Variants in EP400 observed in about 807,000 individuals in gnomAD.
EP400 encodes the protein E1A binding protein p400, also known as E1A-binding protein p400.
In EP400, 105 loss-of-function variants were observed where a neutral mutation model predicts 354.1. The ratio of observed to expected loss-of-function variants is 0.30; its 90% CI spans 0.25 to 0.35. EP400 has a LOEUF of 0.35. EP400 is among the 10% of genes least tolerant of loss of function. The probability of loss-of-function intolerance (pLI) is 1.00; values close to 1 mark genes in which losing one functional copy is unlikely to be tolerated. For missense variants in EP400, 3,280 were observed against 4,121.0 expected, an observed-to-expected ratio of 0.80 and a Z score of 5.59; for synonymous variants, 1,646 against 1,716.9, an observed-to-expected ratio of 0.96 and a Z score of 1.02.
chr12:131,992,174 A>T lies in EP400; in HGVS notation c.2681A>T (p.Asp894Val), dbSNP rs772026261. The T allele has an allele frequency of 6.2e-7, 1 of 1,607,276 alleles. No individual in the cohort carries two copies. Among genetic ancestry groups the T allele is most frequent in the Non-Finnish European group, 8.5e-7 (1 of 1,179,920 alleles). The stretch of plus-strand genomic sequence containing the variant: ...TGGTTTTTCTTTCTTTTCTTTCAGG[A>T]TTCAGGAATGTCTGGAAGAAAAAGA... ...GFDALQESSL[D>V]SGMSGRKRKA... The change falls in exon 11 of 53, where the codon GAT (aspartate) becomes GTT (valine). Residue 894 changes from aspartate (D) to valine (V), a missense_variant and splice_region_variant. Transcript: ENST00000389561.
Position 132,018,158 on chromosome 12 carries a change from G to T in EP400, c.4111-52G>T. 1 of 1,598,002 alleles carries T rather than the reference G, an allele frequency of 6.3e-7. No homozygotes were observed. The highest frequency in any genetic ancestry group is 1.7e-4 in the Middle Eastern group (1 of 5,994). On this transcript the variant is annotated intron_variant, in intron 20 of 52. Coordinates refer to ENST00000389561, the MANE Select transcript of EP400 (RefSeq NM_015409.5). This position sits in a 1 kb window ranked among gnomAD's most constrained non-coding sequence, Gnocchi z 4.0. ...CATAGAAATCAGTTTTGATTCTTAG[G>T]TGCTTTTTTTGCCTCTTCATGCAGC...
rs1291923573 is a variant in EP400, at chr12:132,025,065, T to TAAAAC, written c.4856-559_4856-555dup. ...TGGTTTACTTCCTTTTTTTTTTTCT[T>TAAAAC]AAAACAAAACAAAACAAAACAAAAC... On this transcript the variant is annotated intron_variant, in intron 24 of 52. Transcript: ENST00000389561. The surrounding 1 kb of genome is among the most constrained non-coding windows in gnomAD (Gnocchi z 4.1). Among the ~76,000 whole-genome samples the TAAAAC allele has an allele frequency of 6.1e-4, 92 of 151,982 alleles. 3 individuals are homozygous for TAAAAC. The highest frequency in any genetic ancestry group is 1.4e-3 in the African/African-American group (59 of 41,402).
chr12:132,016,038 A>G (rs567868168), intron 19 of EP400, among the ~76,000 whole-genome samples: 2 of 152,334 alleles, frequency 1.3e-5, no homozygotes, highest in African/African-American at 4.8e-5. Flanking sequence ...TAGCCAGGGC[A>G]AGTTGCCTTT....
intron 9 of EP400, 131 bp from the exon 10 acceptor site, chr12:131,991,273 TGAG>T (rs1331994430): frequency 5.1e-6 from 4 of 791,406 alleles, no homozygotes; most frequent in Admixed American, 2.0e-5. Context: ...GTGATGATGA[TGAG>T]GAGGCAGAAC....
Position 131,990,234 on chromosome 12 carries a change from T to C in EP400, c.2550+130T>C. 1 of 1,076,458 alleles carries C rather than the reference T, an allele frequency of 9.3e-7. No homozygotes were observed. The highest frequency in any genetic ancestry group is 1.3e-6 in the Non-Finnish European group (1 of 754,892). The allele number at this position is 1,076,458 out of a possible 1,614,324, so 66.7% of individuals were successfully genotyped here. On this transcript the variant is annotated intron_variant, in intron 8 of 52. Coordinates refer to ENST00000389561, the MANE Select transcript of EP400 (RefSeq NM_015409.5). This position sits in a 1 kb window ranked among gnomAD's most constrained non-coding sequence, Gnocchi z 4.2. ...GCACCAGAGTCAGCAACGTGTGCAC[T>C]CTCCTGGGCTGTTGCTTGTTGGCCT...
intron 45 of EP400, among the ~76,000 whole-genome samples, chr12:132,057,202 C>T (rs1410676281): frequency 6.6e-6 from 1 of 152,192 alleles, no homozygotes; most frequent in African/African-American, 2.4e-5. Context: ...AACAAGAACC[C>T]TCAACACCAA....
rs374836163 is a variant in EP400, at chr12:132,001,207, A to G, written c.2828-3870A>G. Reference sequence around the variant, plus strand: ...ACGCGGAGACTGGTAGTGGCCCCGAATGTCTGGCTGCGCTATTATTTATTG... The same window carrying G: ...ACGCGGAGACTGGTAGTGGCCCCGAGTGTCTGGCTGCGCTATTATTTATTG... On this transcript the variant is annotated intron_variant, in intron 12 of 52. Transcript: ENST00000389561. 3.9e-5 allele frequency among the ~76,000 whole-genome samples: 6 copies of G among 152,146 alleles called. No individual in the cohort carries two copies. The East Asian group carries it at 1.2e-3, about 29-fold the overall frequency.
chr12:132,022,365 T>C (rs1271145878), intron 23 of EP400, among the ~76,000 whole-genome samples: 1 of 152,224 alleles, frequency 6.6e-6, no homozygotes, highest in Non-Finnish European at 1.5e-5. Flanking sequence ...TATGCACAAA[T>C]CTCTGTCTTC....
chr12:131,978,304 G>A (rs1272942155), intron 2 of EP400, among the ~76,000 whole-genome samples: 1 of 152,116 alleles, frequency 6.6e-6, no homozygotes, highest in Non-Finnish European at 1.5e-5. Flanking sequence ...CGGTGCATTT[G>A]TTGCACTTGG....
chr12:132,007,720 T>C (rs1475271014), intron 15 of EP400, among the ~76,000 whole-genome samples: 6 of 152,256 alleles, frequency 3.9e-5, no homozygotes, highest in Non-Finnish European at 7.3e-5. Flanking sequence ...GCTTTGCTAT[T>C]GCTGCAGAGA....
In EP400 at chr12:132,017,664, A is replaced by G. The variant is rs200786638; in HGVS notation, c.4053A>G (p.Pro1351=). The G allele has an allele frequency of 2.7e-5, 43 of 1,593,232 alleles. No homozygotes were observed. In the African/African-American group the frequency reaches 4.7e-4, roughly 17 times the overall value. ...RHPGSSYVAG[P]LEYPSASLIL... is the part of the protein sequence containing the mutation. Reference sequence around the variant, plus strand: ...CAGGCTCTTCCTACGTGGCGGGGCCACTGGAGTATCCGTCCGCATCTCTAA... The same window carrying G: ...CAGGCTCTTCCTACGTGGCGGGGCCGCTGGAGTATCCGTCCGCATCTCTAA... Residue 1351 remains proline (P), a synonymous_variant, in exon 20 of 53, where the codon CCA becomes CCG. Coordinates refer to ENST00000389561, the MANE Select transcript of EP400 (RefSeq NM_015409.5). The surrounding 1 kb of genome is among the most constrained non-coding windows in gnomAD (Gnocchi z 5.0).
chr12:132,031,353 T>A, intron 29 of EP400: 1 of 519,182 alleles, frequency 1.9e-6, no homozygotes, highest in Non-Finnish European at 3.8e-6. Context: ...CAAGTTGAGC[T>A]GACAGTAAAT....
chr12:132,020,975 A>C, intron 22 of EP400, 104 bp from the exon 23 acceptor site: 1 of 1,386,570 alleles, frequency 7.2e-7, no homozygotes, highest in Non-Finnish European at 9.4e-7. Flanking sequence ...CATTTGAGAG[A>C]CGGTGTGAAA....
intron 32 of EP400, among the ~76,000 whole-genome samples, chr12:132,042,304 A>C (rs1417318332): frequency 1.3e-5 from 2 of 152,134 alleles, no homozygotes; most frequent in African/African-American, 4.8e-5. Flanking sequence ...TCCCGATAAA[A>C]GGCCTTTGTT....
rs141732927 is a variant in EP400, at chr12:131,966,441, C to T, written c.1335+4487C>T. Among the ~76,000 whole-genome samples, 65 of 151,658 alleles carry T rather than the reference C, an allele frequency of 4.3e-4. 1 individual carries two copies. Among genetic ancestry groups the T allele is most frequent in the African/African-American group, 1.4e-3 (59 of 41,310 alleles). ...AAAATCAGCTGGGCATGGTGGCACACGCCTGTAATTCCAGCTTCTCAGGAG... is the reference window on the plus strand; with the variant it reads ...AAAATCAGCTGGGCATGGTGGCACATGCCTGTAATTCCAGCTTCTCAGGAG... On this transcript the variant is annotated intron_variant, in intron 2 of 52. Coordinates refer to ENST00000389561, the MANE Select transcript of EP400 (RefSeq NM_015409.5).
Position 132,021,099 on chromosome 12 carries a change from A to T in EP400, c.4468A>T (p.Thr1490Ser), listed in dbSNP as rs138479820. The change falls in exon 23 of 53, where the codon ACC becomes TCC. Residue 1490 changes from threonine to serine, a missense_variant. By Grantham distance (58) the Thr-to-Ser change is moderately conservative. Coordinates refer to ENST00000389561, the MANE Select transcript of EP400 (RefSeq NM_015409.5). ...TGCAGCAGCAGCAGCCCCGTTTCAGACCTCTCAGGCTTCCGCCAGTGCTCC... is the reference window on the plus strand; with the variant it reads ...TGCAGCAGCAGCAGCCCCGTTTCAGTCCTCTCAGGCTTCCGCCAGTGCTCC... ...EAKAAAAPFQ[T>S]SQASASAPRH... 4 of 1,598,666 alleles carry T rather than the reference A, an allele frequency of 2.5e-6. No homozygotes were observed. The highest frequency in any genetic ancestry group is 1.3e-5 in the African/African-American group (1 of 74,718).
rs750383093 is a variant in EP400, at chr12:132,013,908, A to G, written c.3918A>G (p.Gln1306=). The G allele has an allele frequency of 6.2e-7, 1 of 1,614,200 alleles. No homozygotes were observed. The highest frequency in any genetic ancestry group is 8.5e-7 in the Non-Finnish European group (1 of 1,180,020). Residue 1306 remains glutamine, a synonymous_variant, in exon 19 of 53, where the codon CAA becomes CAG. Transcript: ENST00000389561. The surrounding 1 kb of genome is among the most constrained non-coding windows in gnomAD (Gnocchi z 4.5). The stretch of plus-strand genomic sequence containing the variant: ...CCTTATACGAGGACGTTATCCTGCA[A>G]CCTGGGTGAGTGTGGGCTCTGGGCA... The part of the protein sequence containing the change: ...QKALYEDVIL[Q]PGTQEALKSG...
At chr12:131,999,940 C>G (rs1414646438) in intron 12 of EP400, among the ~76,000 whole-genome samples, 1 of 148,546 alleles carries the variant, frequency 6.7e-6, no homozygotes, top group Non-Finnish European at 1.5e-5. Flanking sequence ...TGTATTTATG[C>G]CTGTTTTCTT....
rs1165701235 is a variant in EP400, at chr12:132,013,580, C to T, written c.3702C>T (p.Ser1234=). 1.9e-6 allele frequency: 3 copies of T among 1,613,830 alleles called. No individual in the cohort carries two copies. The East Asian group carries it at 6.7e-5, about 36-fold the overall frequency. Residue 1234 remains serine (S), a synonymous_variant, in exon 18 of 53, where the codon TCC becomes TCT. Transcript: ENST00000389561. This position sits in a 1 kb window ranked among gnomAD's most constrained non-coding sequence, Gnocchi z 4.5. ...TGCACTTCCTGGTCCCAGGGATCTC[C>T]AGGCCCTACCTGAGCTCCCCTCTGA... The part of the protein sequence containing the change: ...TMVHFLVPGI[S]RPYLSSPLRA...
Sources: allele counts gnomAD v4.1 joint callset (sites outside exome capture counted in the v4.1 genomes callset), GRCh38; gene constraint gnomAD v4.1.1; non-coding constraint Gnocchi (gnomAD v3.1); transcripts MANE v1.5; gene names NCBI Gene and HGNC (gene_info 2026-07-23, HGNC 2026-07-21).